Variants in GLIS3 observed in about 807,000 individuals in gnomAD.
GLIS3 encodes zinc finger protein GLIS3.
A neutral mutation model predicts 78.6 loss-of-function variants in GLIS3; 53 were observed. That is an observed-to-expected ratio of 0.67 (90% CI 0.54 to 0.85). GLIS3 has a LOEUF of 0.85. Among genes scored for constraint, GLIS3 ranks in the 40% least tolerant of loss-of-function variants. The pLI is 0.00. For missense variants in GLIS3, 1,703 were observed against 1,231.1 expected, an observed-to-expected ratio of 1.38 and a Z score of -5.74; for synonymous variants, 684 against 509.9, an observed-to-expected ratio of 1.34 and a Z score of -4.60.
chr9:4,057,741 G>C (rs996343259), intron 4 of GLIS3, among the ~76,000 whole-genome samples: 1 of 151,964 alleles, frequency 6.6e-6, no homozygotes, highest in Admixed American at 6.6e-5. Context: ...CTTTTTCAAT[G>C]GTACCAAAAG....
At chr9:4,407,719 T>G in the GLIS3 span, among the ~76,000 whole-genome samples, 1 of 152,134 alleles carries the variant, frequency 6.6e-6, no homozygotes, top group Non-Finnish European at 1.5e-5. Flanking sequence ...CAAGAATTTA[T>G]CGAGTAATAC....
rs144404258 is a variant in GLIS3, at chr9:4,272,095, G to A, written c.388+13943C>T. Among the ~76,000 whole-genome samples the A allele has an allele frequency of 1.2e-3, 176 of 152,284 alleles. 2 individuals are homozygous for A. Among genetic ancestry groups the A allele is most frequent in the African/African-American group, 3.9e-3 (164 of 41,560 alleles). On this transcript the variant is annotated intron_variant, in intron 2 of 10. Coordinates refer to ENST00000381971, the MANE Select transcript of GLIS3 (RefSeq NM_001042413.2). ...AGCTCAGTGCAATGGCCGACCCAGA[G>A]TAAGGGCTCAAAAAGTTAGCCATTA...
chr9:3,845,751 CCA>C (rs145728680), intron 9 of GLIS3, among the ~76,000 whole-genome samples: 142 of 151,052 alleles, frequency 9.4e-4, no homozygotes, highest in African/African-American at 3.2e-3. Context: ...ACACACACAC[CCA>C]CACACACACA....
chr9:4,036,856 G>A (rs958570697), intron 4 of GLIS3, among the ~76,000 whole-genome samples: 5 of 152,110 alleles, frequency 3.3e-5, no homozygotes, highest in East Asian at 3.8e-4. Flanking sequence ...TACTCCTTGC[G>A]TTTGAGTATC....
chr9:4,102,928 G>A (rs1179299528), intron 4 of GLIS3, among the ~76,000 whole-genome samples: 2 of 151,900 alleles, frequency 1.3e-5, no homozygotes, highest in Non-Finnish European at 2.9e-5. Context: ...GGAATAAGTA[G>A]GTGTTGGAAA....
At chr9:4,115,953 G>A (rs1831604952) in intron 4 of GLIS3, among the ~76,000 whole-genome samples, 1 of 152,144 alleles carries the variant, frequency 6.6e-6, no homozygotes, top group South Asian at 2.1e-4. Flanking sequence ...ACAATGAGAA[G>A]CTATGCATAA....
intron 2 of GLIS3, among the ~76,000 whole-genome samples, chr9:4,325,018 C>A (rs755420181): frequency 6.6e-6 from 1 of 152,120 alleles, no homozygotes; most frequent in Admixed American, 6.5e-5. Context: ...GCTGTAGGTA[C>A]TATTTTTGTC....
chr9:3,887,415 C>T lies in GLIS3; in HGVS notation c.2129-7820G>A, dbSNP rs1336626725. On this transcript the variant is annotated intron_variant, in intron 7 of 10. Transcript: ENST00000381971. ...TCTATTAAGGTAAGTGAGGGCACGG[C>T]TCTGTAGAACATGCCTATTAACTTT... is the stretch of plus-strand genomic sequence containing the variant. 2.0e-5 allele frequency among the ~76,000 whole-genome samples: 3 copies of T among 152,204 alleles called. No homozygotes were observed. In the East Asian group the frequency reaches 5.8e-4, roughly 29 times the overall value.
At chr9:3,841,682 C>T (rs1384499458) in intron 9 of GLIS3, among the ~76,000 whole-genome samples, 1 of 152,098 alleles carries the variant, frequency 6.6e-6, no homozygotes, top group East Asian at 1.9e-4. Flanking sequence ...AACACTTTGC[C>T]AAGGTTGACA....
intron 9 of GLIS3, among the ~76,000 whole-genome samples, chr9:3,849,493 G>T (rs1244485793): frequency 2.0e-5 from 3 of 152,184 alleles, no homozygotes; most frequent in Admixed American, 6.5e-5. Flanking sequence ...TTCATGCTGT[G>T]ACCAGGAGGA....
the GLIS3 span, among the ~76,000 whole-genome samples, chr9:4,361,743 C>T: frequency 6.6e-6 from 1 of 152,188 alleles, no homozygotes; most frequent in Admixed American, 6.5e-5. Context: ...AGTGAAGGCT[C>T]CTAACCACCT....
chr9:4,173,342 C>T (rs552622342), intron 2 of GLIS3, among the ~76,000 whole-genome samples: 1 of 152,220 alleles, frequency 6.6e-6, no homozygotes, highest in Non-Finnish European at 1.5e-5. Flanking sequence ...ATGTTTTCTC[C>T]TTTTTCTTTC....
rs149691386 is a variant in GLIS3 at position 4,078,007 on chromosome 9, A to C, written c.1710+39761T>G. ...CCCAGTTTTCTGATACCTAGTTCACAATTCTTTATAGTGAGCTCTCTGTTA... is the reference window on the plus strand; with the variant it reads ...CCCAGTTTTCTGATACCTAGTTCACCATTCTTTATAGTGAGCTCTCTGTTA... On this transcript the variant is annotated intron_variant, in intron 4 of 10. Coordinates refer to ENST00000381971, the MANE Select transcript of GLIS3 (RefSeq NM_001042413.2). Among the ~76,000 whole-genome samples, 409 of 152,244 alleles carry C rather than the reference A, an allele frequency of 2.7e-3. 3 individuals carry two copies. The highest frequency in any genetic ancestry group is 9.2e-3 in the African/African-American group (383 of 41,534).
At chr9:4,332,925 T>G (rs879433761) in intron 2 of GLIS3, among the ~76,000 whole-genome samples, 1 of 152,252 alleles carries the variant, frequency 6.6e-6, no homozygotes, top group Non-Finnish European at 1.5e-5. Flanking sequence ...TTTATTATTG[T>G]GACTAACAGG....
At chr9:4,298,561 G>T (rs1199959701) in intron 1 of GLIS3, 3 of 316,232 alleles carry the variant, frequency 9.5e-6, no homozygotes, top group African/African-American at 2.3e-5. Context: ...TCCAGAGAGC[G>T]ACCCGGGCCG....
chr9:4,005,617 T>C (rs1821481214), intron 4 of GLIS3, among the ~76,000 whole-genome samples: 1 of 152,182 alleles, frequency 6.6e-6, no homozygotes, highest in Non-Finnish European at 1.5e-5. Context: ...AAGGACCAAA[T>C]TAATTGTACG....
intron 1 of GLIS3, among the ~76,000 whole-genome samples, chr9:4,287,404 C>A (rs1433072274): frequency 6.6e-6 from 1 of 152,190 alleles, no homozygotes; most frequent in South Asian, 2.1e-4. Flanking sequence ...GACGTCATCA[C>A]CCACCCACGT....
the GLIS3 span, among the ~76,000 whole-genome samples, chr9:4,472,828 T>C: frequency 2.0e-5 from 3 of 152,184 alleles, no homozygotes; most frequent in African/African-American, 7.2e-5. Flanking sequence ...AGAAATTATA[T>C]ATAATTATTG....
At position 3,999,271 on chromosome 9, in the gene GLIS3, G is replaced by A. The variant is rs538303440; in HGVS notation, c.1711-62082C>T. On this transcript the variant is annotated intron_variant, in intron 4 of 10. Transcript: ENST00000381971. ...AGTGCTGTTGTTTCATATTTGTAGAGGTGTTTCATCAAGGTAAACCTTTAA... is the reference window on the plus strand; with the variant it reads ...AGTGCTGTTGTTTCATATTTGTAGAAGTGTTTCATCAAGGTAAACCTTTAA... 2.6e-5 allele frequency among the ~76,000 whole-genome samples: 4 copies of A among 152,242 alleles called. No individual in the cohort carries two copies. The South Asian group carries it at 8.3e-4, about 32-fold the overall frequency.
Sources: allele counts gnomAD v4.1 joint callset (sites outside exome capture counted in the v4.1 genomes callset), GRCh38; gene constraint gnomAD v4.1.1; transcripts MANE v1.5; gene names NCBI Gene and HGNC (gene_info 2026-07-23, HGNC 2026-07-21).